The following TMEM181 variants were observed in gnomAD, a reference collection of about 807,000 sequenced individuals.
The protein encoded by TMEM181 is transmembrane protein 181, also known as G protein-coupled receptor 178.
In TMEM181, 39 loss-of-function variants were observed where a neutral mutation model predicts 71.9. The ratio of observed to expected loss-of-function variants is 0.54; its 90% confidence interval spans 0.42 to 0.71. The LOEUF (loss-of-function observed/expected upper bound fraction) is 0.71. Ranked by LOEUF, TMEM181 falls within the 30% of genes least tolerant of loss-of-function variation. The pLI is 0.00. For synonymous variants in TMEM181, 245 were observed against 228.8 expected, an observed-to-expected ratio of 1.07 and a Z score of -0.64; for missense variants, 595 against 583.0, an observed-to-expected ratio of 1.02 and a Z score of -0.21.
At chr6:158,562,152 C>T (rs907677188) in intron 1 of TMEM181, among the ~76,000 whole-genome samples, 1 of 152,200 alleles carries the variant, frequency 6.6e-6, no homozygotes. Flanking sequence ...CTCTGACTCT[C>T]ATTCGGCCCA....
chr6:158,589,621 G>GGAGCGTGAGTCTCGCTTTCTTTT (rs1783986421), intron 5 of TMEM181, 51 bp from the exon 6 acceptor site: 3 of 1,388,768 alleles, frequency 2.2e-6, no homozygotes, highest in Admixed American at 1.7e-5. Context: ...TTATTTGGCG[G>GGAGCGTGAGTCTCGCTTTCTTTT]GAGCGTGAGT....
chr6:158,554,928 A>G (rs979595510), intron 1 of TMEM181, among the ~76,000 whole-genome samples: 4 of 152,242 alleles, frequency 2.6e-5, no homozygotes, highest in African/African-American at 9.6e-5. Context: ...TGGTGGGCGA[A>G]GATTTTGGAC....
chr6:158,612,256 G>C (rs1785372998), intron 10 of TMEM181, among the ~76,000 whole-genome samples: 1 of 152,200 alleles, frequency 6.6e-6, no homozygotes, highest in Non-Finnish European at 1.5e-5. Flanking sequence ...AGCTGGAACT[G>C]AAAATGGGGG....
At chr6:158,618,581 C>T (rs61633501) in intron 10 of TMEM181, among the ~76,000 whole-genome samples, 20,448 of 152,108 alleles carry the variant, frequency 0.13, 1,512 homozygotes, top group Middle Eastern at 0.2. Flanking sequence ...CTGTTTCTTC[C>T]TAGCATTGAT....
intron 1 of TMEM181, among the ~76,000 whole-genome samples, chr6:158,537,305 C>T (rs897755504): frequency 7.9e-5 from 12 of 151,976 alleles, no homozygotes; most frequent in African/African-American, 2.9e-4. Context: ...GGAGGAGGGT[C>T]TTGGCCGCAG....
At position 158,543,484 on chromosome 6, in the gene TMEM181, G is replaced by A. The variant is rs542559923; in HGVS notation, c.131+6619G>A. Among the ~76,000 whole-genome samples the A allele has an allele frequency of 1.3e-4, 20 of 152,308 alleles. No individual in the cohort carries two copies. The East Asian group carries it at 3.9e-3, about 29-fold the overall frequency. On this transcript the variant is annotated intron_variant, in intron 1 of 16. Transcript: ENST00000367090. The stretch of plus-strand genomic sequence containing the variant: ...ACAGCCTGCAGGGCTCAAGCAACAG[G>A]GATGTATCGTCTCCTGGTTCTAAGG...
intron 1 of TMEM181, among the ~76,000 whole-genome samples, chr6:158,567,779 C>G (rs1238718068): frequency 6.6e-6 from 1 of 152,176 alleles, no homozygotes; most frequent in African/African-American, 2.4e-5. Context: ...TCTGAGCTTT[C>G]TCATCTGAAA....
intron 2 of TMEM181, among the ~76,000 whole-genome samples, chr6:158,580,556 CTT>C (rs893744632): frequency 2.6e-5 from 4 of 152,128 alleles, no homozygotes; most frequent in Non-Finnish European, 4.4e-5. Context: ...ATAAGTGTGT[CTT>C]AGGTTTTGGA....
At chr6:158,595,167 T>C (rs1784326933) in intron 6 of TMEM181, among the ~76,000 whole-genome samples, 1 of 152,264 alleles carries the variant, frequency 6.6e-6, no homozygotes, top group South Asian at 2.1e-4. Flanking sequence ...CATCCTGGTA[T>C]GGATTTCTGG....
intron 10 of TMEM181, chr6:158,610,897 A>G (rs1583031256): frequency 2.5e-6 from 1 of 400,760 alleles, no homozygotes; most frequent in East Asian, 5.6e-5. Flanking sequence ...GTGAAGGAAG[A>G]AGGCTCTGGA....
intron 1 of TMEM181, chr6:158,572,528 G>C: frequency 2.2e-6 from 1 of 455,698 alleles, no homozygotes; most frequent in Middle Eastern, 3.8e-4. Context: ...TTTTGTCGAT[G>C]GTTTGACTGG....
intron 1 of TMEM181, among the ~76,000 whole-genome samples, chr6:158,561,519 C>T (rs1782174295): frequency 6.6e-6 from 1 of 152,132 alleles, no homozygotes; most frequent in Non-Finnish European, 1.5e-5. Context: ...TTCTCTCACG[C>T]GCTGCCCCTT....
chr6:158,592,478 T>C (rs1383145306), intron 6 of TMEM181, among the ~76,000 whole-genome samples: 3 of 26,968 alleles, frequency 1.1e-4, no homozygotes, highest in Non-Finnish European at 2.3e-4. Context: ...GACCCCATCT[T>C]TTTTTTTTTT....
At chr6:158,550,892 G>GAAAA (rs368216274) in intron 1 of TMEM181, among the ~76,000 whole-genome samples, 10 of 87,030 alleles carry the variant, frequency 1.1e-4, no homozygotes, top group Non-Finnish European at 1.7e-4. Flanking sequence ...TCTGTCTCAG[G>GAAAA]AAAAAAAAAA....
upstream of TMEM181, among the ~76,000 whole-genome samples, chr6:158,557,688 T>C (rs997379747): frequency 4.6e-5 from 7 of 152,144 alleles, no homozygotes; most frequent in Non-Finnish European, 2.9e-5. Flanking sequence ...CAGCTAATTT[T>C]TGTATTTTTA....
At chr6:158,618,837 T>C (rs1438076606) in intron 10 of TMEM181, among the ~76,000 whole-genome samples, 1 of 152,228 alleles carries the variant, frequency 6.6e-6, no homozygotes, top group African/African-American at 2.4e-5. Context: ...TTCTGGCTTG[T>C]AGAGTTTCTG....
chr6:158,584,247 C>T (rs1208435399), intron 4 of TMEM181, among the ~76,000 whole-genome samples: 4 of 152,202 alleles, frequency 2.6e-5, no homozygotes, highest in South Asian at 4.1e-4. Context: ...AGACGTCCTC[C>T]GTGGAGTCCT....
upstream of TMEM181, among the ~76,000 whole-genome samples, chr6:158,556,595 C>T (rs117599349): frequency 6.6e-3 from 1,007 of 152,274 alleles, 12 homozygotes; most frequent in South Asian, 0.037. Flanking sequence ...ATGCCAGTCT[C>T]GCGTTGGACA....
intron 1 of TMEM181, among the ~76,000 whole-genome samples, chr6:158,561,764 C>G (rs1029158437): frequency 6.6e-6 from 1 of 152,146 alleles, no homozygotes; most frequent in Non-Finnish European, 1.5e-5. Context: ...CAGCTGTAAG[C>G]GCTTTGTGCC....
Sources: gnomAD v4.1 joint callset for allele counts (sites outside exome capture counted in the v4.1 genomes callset) on GRCh38, gnomAD v4.1.1 for gene constraint, MANE v1.5 for transcripts, NCBI Gene and HGNC (gene_info 2026-07-23, HGNC 2026-07-21) for gene names.